Variants in ZBTB7C observed in about 807,000 individuals in gnomAD.
ZBTB7C encodes zinc finger and BTB domain containing 7C, also known as zinc finger and BTB domain-containing protein 7C.
ZBTB7C carries 8 observed loss-of-function variants against 25.7 expected under a neutral mutation model. The ratio of observed to expected loss-of-function variants is 0.31; its 90% confidence interval spans 0.18 to 0.56. The LOEUF (loss-of-function observed/expected upper bound fraction) is 0.56, where lower values mean the gene tolerates loss of function less well. Among genes scored for constraint, ZBTB7C ranks in the 20% least tolerant of loss-of-function variants. The pLI, the probability that ZBTB7C is intolerant of heterozygous loss-of-function variation, is 0.91. For missense variants in ZBTB7C, 824 were observed against 855.2 expected (o/e 0.96, Z 0.46); for synonymous variants, 394 against 369.0 (o/e 1.07, Z -0.78).
intron 2 of ZBTB7C, among the ~76,000 whole-genome samples, chr18:48,217,303 T>C (rs2042847000): frequency 6.6e-6 from 1 of 152,172 alleles, no homozygotes; most frequent in African/African-American, 2.4e-5. Context: ...CAAGCCCTCC[T>C]GTCCTTCCTG....
At chr18:48,164,337 A>AG (rs939862241) in intron 3 of ZBTB7C, among the ~76,000 whole-genome samples, 2 of 152,178 alleles carry the variant, frequency 1.3e-5, no homozygotes, top group Non-Finnish European at 2.9e-5. Flanking sequence ...GGTGCTGCCT[A>AG]GGGGAGCTGA....
chr18:48,128,948 G>C (rs1198097475), intron 3 of ZBTB7C, among the ~76,000 whole-genome samples: 1 of 152,076 alleles, frequency 6.6e-6, no homozygotes, highest in Non-Finnish European at 1.5e-5. Flanking sequence ...ATGTGGTAGT[G>C]AGTGTCTCTT....
intron 3 of ZBTB7C, chr18:48,137,169 T>G (rs1238572125): frequency 2.0e-6 from 2 of 985,040 alleles, no homozygotes; most frequent in Non-Finnish European, 2.4e-6. Context: ...ATTCCAGGAG[T>G]GGTTTTGAGA....
intron 2 of ZBTB7C, among the ~76,000 whole-genome samples, chr18:48,264,021 A>C (rs2044243479): frequency 6.6e-6 from 1 of 152,224 alleles, no homozygotes; most frequent in South Asian, 2.1e-4. Context: ...CAAGACCTAT[A>C]AAGATATCTG....
chr18:48,331,098 T>A (rs948265937), intron 2 of ZBTB7C, among the ~76,000 whole-genome samples: 1 of 152,156 alleles, frequency 6.6e-6, no homozygotes, highest in Non-Finnish European at 1.5e-5. Context: ...GCCAGAAGGC[T>A]TTGCTAGCCT....
intron 2 of ZBTB7C, among the ~76,000 whole-genome samples, chr18:48,330,023 T>A (rs1230796091): frequency 3.9e-5 from 6 of 152,182 alleles, no homozygotes; most frequent in Non-Finnish European, 8.8e-5. Flanking sequence ...CTCTCTGAGC[T>A]CAAAGCTGAG....
chr18:48,306,418 G>A (rs1288397246), intron 2 of ZBTB7C, among the ~76,000 whole-genome samples: 1 of 152,206 alleles, frequency 6.6e-6, no homozygotes, highest in African/African-American at 2.4e-5. Context: ...ATATGTAAGT[G>A]TACAGTTTAG....
intron 2 of ZBTB7C, among the ~76,000 whole-genome samples, chr18:48,235,140 G>T (rs992607374): frequency 1.3e-5 from 2 of 151,916 alleles, no homozygotes; most frequent in Non-Finnish European, 2.9e-5. Context: ...TCTTTTAGCT[G>T]GTAGATTAAA....
intron 3 of ZBTB7C, among the ~76,000 whole-genome samples, chr18:48,043,081 G>A (rs1322168611): frequency 6.6e-6 from 1 of 152,078 alleles, no homozygotes; most frequent in Non-Finnish European, 1.5e-5. Context: ...AAAAAATACT[G>A]ATAACACCGA....
intron 2 of ZBTB7C, among the ~76,000 whole-genome samples, chr18:48,324,453 T>C (rs911154104): frequency 6.6e-6 from 1 of 152,098 alleles, no homozygotes; most frequent in Non-Finnish European, 1.5e-5. Flanking sequence ...TATTTACAAC[T>C]GTAAATAAAT....
intron 2 of ZBTB7C, among the ~76,000 whole-genome samples, chr18:48,296,746 C>T (rs1166786862): frequency 6.8e-6 from 1 of 147,400 alleles, no homozygotes; most frequent in Admixed American, 6.9e-5. Context: ...CTGTTAGGTA[C>T]CAGGCCACAC....
intron 2 of ZBTB7C, among the ~76,000 whole-genome samples, chr18:48,240,948 AAG>A (rs757878046): frequency 1.6e-4 from 25 of 152,202 alleles, no homozygotes; most frequent in Non-Finnish European, 3.2e-4. Context: ...TGCTGTCTTC[AAG>A]AGACTCACCT....
intron 3 of ZBTB7C, among the ~76,000 whole-genome samples, chr18:48,156,019 A>T (rs1010577483): frequency 6.6e-6 from 1 of 152,230 alleles, no homozygotes; most frequent in East Asian, 1.9e-4. Context: ...CTATTGGCTA[A>T]TCTCCTCCAC....
intron 3 of ZBTB7C, chr18:48,165,403 G>A (rs1219060208): frequency 1.2e-5 from 4 of 341,970 alleles, no homozygotes; most frequent in African/African-American, 8.6e-5. Flanking sequence ...TATGGCCCAA[G>A]TCCTCCTCTG....
chr18:48,083,167 ATTC>A (rs1297381384), intron 3 of ZBTB7C, among the ~76,000 whole-genome samples: 7 of 152,032 alleles, frequency 4.6e-5, no homozygotes, highest in African/African-American at 1.5e-4. Flanking sequence ...TTTCTATTCT[ATTC>A]TTCTTTTCTT....
chr18:48,175,117 T>A (rs2041626592), intron 3 of ZBTB7C, among the ~76,000 whole-genome samples: 1 of 151,640 alleles, frequency 6.6e-6, no homozygotes, highest in Non-Finnish European at 1.5e-5. Context: ...TTAATAAGAA[T>A]GAGAAGGAAA....
chr18:48,220,056 C>A (rs189189741), intron 2 of ZBTB7C, among the ~76,000 whole-genome samples: 267 of 152,304 alleles, frequency 1.8e-3, no homozygotes, highest in Non-Finnish European at 2.6e-3. Flanking sequence ...CTAGCCTGCT[C>A]ACCAGACCCA....
chr18:48,346,862 G>A (rs1216668350), intron 1 of ZBTB7C, among the ~76,000 whole-genome samples: 1 of 151,784 alleles, frequency 6.6e-6, no homozygotes, highest in Non-Finnish European at 1.5e-5. Context: ...TTGGGTCACT[G>A]CAACCTCTGC....
chr18:48,075,830 G>A (rs1023668133), intron 3 of ZBTB7C, among the ~76,000 whole-genome samples: 13 of 152,180 alleles, frequency 8.5e-5, no homozygotes, highest in African/African-American at 2.7e-4. Context: ...CTCCCAGCAC[G>A]TCCAGAAATC....
Sources: allele counts gnomAD v4.1 joint callset (sites outside exome capture counted in the v4.1 genomes callset), GRCh38; gene constraint gnomAD v4.1.1; transcripts MANE v1.5; gene names NCBI Gene and HGNC (gene_info 2026-07-23, HGNC 2026-07-21).